Variants in UNC80 observed in about 807,000 individuals in gnomAD.
The protein encoded by UNC80 is protein unc-80 homolog.
In UNC80, 164 loss-of-function variants were observed where a neutral mutation model predicts 384.6. The observed-to-expected ratio is 0.43, with a 90% CI of 0.38 to 0.49. UNC80 has a LOEUF of 0.49. UNC80 is among the 20% of genes least tolerant of loss of function. The pLI, the probability that UNC80 is intolerant of heterozygous loss-of-function variation, is 0.00. For missense variants in UNC80, 3,330 were observed against 4,143.0 expected, an observed-to-expected ratio of 0.80 and a Z score of 5.39; for synonymous variants, 1,486 against 1,527.8, an observed-to-expected ratio of 0.97 and a Z score of 0.64.
intron 23 of UNC80, among the ~76,000 whole-genome samples, chr2:209,874,058 T>C (rs902323855): frequency 6.6e-6 from 1 of 152,184 alleles, no homozygotes; most frequent in Admixed American, 6.6e-5. Flanking sequence ...CACTTAGCAC[T>C]GCCCTTTTCA....
Position 209,926,856 on chromosome 2 carries a change from C to T in UNC80, c.5676C>T (p.Thr1892=). ...SAVSAEDEEH[T]TEHTPNHHVP... ...CTCCCATTTTAGATGAGGAACATAC[C>T]ACTGAACACACGCCGAACCACCATG... Residue 1892 remains threonine (T), a synonymous_variant, in exon 36 of 65, where the codon ACC becomes ACT. Coordinates refer to ENST00000673920, the MANE Select transcript of UNC80 (RefSeq NM_001371986.1). 1 of 1,552,130 alleles carries T rather than the reference C, an allele frequency of 6.4e-7. No individual in the cohort carries two copies. The highest frequency in any genetic ancestry group is 1.2e-5 in the South Asian group (1 of 84,028).
At chr2:209,988,811 T>C (rs2093340036) in intron 61 of UNC80, among the ~76,000 whole-genome samples, 1 of 152,186 alleles carries the variant, frequency 6.6e-6, no homozygotes, top group African/African-American at 2.4e-5. Context: ...CCCAGTTGCA[T>C]TTACTTCTCT....
At chr2:209,932,119 G>A (rs2124967366) in intron 38 of UNC80, among the ~76,000 whole-genome samples, 1 of 152,260 alleles carries the variant, frequency 6.6e-6, no homozygotes, top group South Asian at 2.1e-4. Context: ...CATGGCTGCT[G>A]TCACTCAAAG....
At chr2:209,864,857 G>T (rs1467768258) in intron 22 of UNC80, among the ~76,000 whole-genome samples, 1 of 152,238 alleles carries the variant, frequency 6.6e-6, no homozygotes, top group Non-Finnish European at 1.5e-5. Flanking sequence ...TAAACAGCAG[G>T]CAGCCAGTGC....
chr2:209,778,546 C>T (rs1331831609), intron 4 of UNC80, among the ~76,000 whole-genome samples: 1 of 152,148 alleles, frequency 6.6e-6, no homozygotes, highest in Non-Finnish European at 1.5e-5. Context: ...TCTCAAAATA[C>T]AATCATATCC....
rs572919274 is a variant in UNC80 at position 209,789,953 on chromosome 2, C to T, written c.798+348C>T. Among the ~76,000 whole-genome samples, 3 of 151,952 alleles carry T rather than the reference C, an allele frequency of 2.0e-5. No homozygotes were observed. In the East Asian group the frequency reaches 5.8e-4, roughly 29 times the overall value. The stretch of plus-strand genomic sequence containing the variant: ...ATTAAATAACATATCACCTTGTTCT[C>T]AATTATTGCATCCCCTAATGCTTGT... On this transcript the variant is annotated intron_variant, in intron 6 of 64. Transcript: ENST00000673920.
At chr2:209,981,585 AAAAC>A (rs3033296) in intron 59 of UNC80, among the ~76,000 whole-genome samples, 67,913 of 152,024 alleles carry the variant, frequency 0.45, 15,698 homozygotes, top group Middle Eastern at 0.71. Context: ...TCAAAAACAA[AAAAC>A]AAACAAACCA....
intron 22 of UNC80, among the ~76,000 whole-genome samples, chr2:209,868,798 C>G (rs565711203): frequency 6.6e-6 from 1 of 152,244 alleles, no homozygotes; most frequent in African/African-American, 2.4e-5. Flanking sequence ...GCTGATACGA[C>G]TATTTTTGAC....
intron 41 of UNC80, among the ~76,000 whole-genome samples, 170 bp from the exon 42 acceptor site, chr2:209,937,359 G>C (rs763638393): frequency 6.6e-6 from 1 of 152,162 alleles, no homozygotes. Context: ...CAGGATGCTC[G>C]CTGACATCAC....
chr2:209,916,748 C>T (rs1293876548), intron 31 of UNC80, among the ~76,000 whole-genome samples: 1 of 152,172 alleles, frequency 6.6e-6, no homozygotes, highest in Non-Finnish European at 1.5e-5. Context: ...GCTCAAAGGG[C>T]AAGGAAACCA....
At chr2:209,776,914 C>G (rs1392066869) in intron 3 of UNC80, among the ~76,000 whole-genome samples, 3 of 152,180 alleles carry the variant, frequency 2.0e-5, no homozygotes, top group Non-Finnish European at 4.4e-5. Flanking sequence ...AGCCTCTGCT[C>G]AAATATCACT....
At chr2:209,932,813 T>A (rs2090982571) in intron 38 of UNC80, among the ~76,000 whole-genome samples, 1 of 152,282 alleles carries the variant, frequency 6.6e-6, no homozygotes, top group South Asian at 2.1e-4. Context: ...TTATTAGTAG[T>A]TTTAAGAAAT....
Position 209,971,064 on chromosome 2 carries a change from A to G in UNC80, c.8256+107A>G, listed in dbSNP as rs1036777523. The G allele has an allele frequency of 5.0e-6, 7 of 1,404,420 alleles. No individual in the cohort carries two copies. In the East Asian group the frequency reaches 1.0e-4, roughly 20 times the overall value. 87.0% of individuals were successfully genotyped at this position (1,404,420 alleles called of 1,614,324 possible). A position where few individuals can be genotyped will look rare whatever the true frequency, so the allele number is the denominator to read the frequency against. The stretch of plus-strand genomic sequence containing the variant: ...AAAGGCTGGGCAAAATCTGTGAAAC[A>G]AAAGTGTAAACATCTCTAAACTTTT... On this transcript the variant is annotated intron_variant, in intron 54 of 64. Transcript: ENST00000673920.
chr2:209,792,851 G>A (rs1277445346), intron 6 of UNC80, among the ~76,000 whole-genome samples: 3 of 152,060 alleles, frequency 2.0e-5, no homozygotes, highest in African/African-American at 7.2e-5. Context: ...TACCTGTCTT[G>A]AGACATAACT....
At chr2:209,864,737 G>A (rs2124868344) in intron 22 of UNC80, among the ~76,000 whole-genome samples, 1 of 152,300 alleles carries the variant, frequency 6.6e-6, no homozygotes, top group South Asian at 2.1e-4. Flanking sequence ...GCACAGCCTT[G>A]GGCTATAGAG....
At chr2:209,913,209 TC>T (rs1166041731) in intron 30 of UNC80, among the ~76,000 whole-genome samples, 1 of 152,048 alleles carries the variant, frequency 6.6e-6, no homozygotes, top group Non-Finnish European at 1.5e-5. Flanking sequence ...CATTATGTTC[TC>T]CCCCCCAAAA....
intron 64 of UNC80, among the ~76,000 whole-genome samples, chr2:209,994,691 G>A (rs1257848434): frequency 2.6e-5 from 4 of 152,104 alleles, no homozygotes; most frequent in East Asian, 3.9e-4. Flanking sequence ...TTGGATTAAG[G>A]ATGCTCAACC....
chr2:209,936,415 T>C (rs2091248594), intron 40 of UNC80, among the ~76,000 whole-genome samples: 1 of 152,220 alleles, frequency 6.6e-6, no homozygotes, highest in African/African-American at 2.4e-5. Context: ...TGATAGTTTA[T>C]ATTATTCTTA....
At chr2:209,868,513 G>A (rs2084021909) in intron 22 of UNC80, among the ~76,000 whole-genome samples, 2 of 152,066 alleles carry the variant, frequency 1.3e-5, no homozygotes, top group Admixed American at 6.6e-5. Flanking sequence ...AGGTCCCCAG[G>A]CAAAATAAAG....
Sources: gnomAD v4.1 joint callset for allele counts (sites outside exome capture counted in the v4.1 genomes callset) on GRCh38, gnomAD v4.1.1 for gene constraint, MANE v1.5 for transcripts, NCBI Gene and HGNC (gene_info 2026-07-23, HGNC 2026-07-21) for gene names.